PLXNA1: variants seen among roughly 807,000 people sequenced by gnomAD.
PLXNA1 encodes the protein plexin-A1.
In PLXNA1, 77 loss-of-function variants were observed where a neutral mutation model predicts 191.7. That is an observed-to-expected ratio of 0.40 (90% CI 0.33 to 0.49). The LOEUF (loss-of-function observed/expected upper bound fraction) is 0.49. PLXNA1 is among the 20% of genes least tolerant of loss of function. The pLI is 0.63. For missense variants in PLXNA1, 2,110 were observed against 2,660.2 expected, an observed-to-expected ratio of 0.79 and a Z score of 4.55; for synonymous variants, 1,137 against 1,156.4, an observed-to-expected ratio of 0.98 and a Z score of 0.34.
intron 14 of PLXNA1, 78 bp from the exon 15 acceptor site, chr3:127,015,106 C>G: frequency 6.5e-7 from 1 of 1,539,182 alleles, no homozygotes; most frequent in African/African-American, 1.4e-5. Context: ...TGGGGGTAAG[C>G]AGGCCAAGTG....
At chr3:126,986,254 CCTGTTTTCTGGCT>C (rs1286128534) in intron 1 of PLXNA1, among the ~76,000 whole-genome samples, 3 of 152,220 alleles carry the variant, frequency 2.0e-5, no homozygotes, top group Admixed American at 2.0e-4. Flanking sequence ...CTGTGAGGAG[CCTGTTTTCTGGCT>C]CCCGGGTCTT....
intron 7 of PLXNA1, 52 bp from the exon 8 acceptor site, chr3:127,006,027 G>A: frequency 7.1e-7 from 1 of 1,401,980 alleles, no homozygotes; most frequent in Non-Finnish European, 1.0e-6. Flanking sequence ...CTTGCCCTGT[G>A]TGGGAGTCCT....
Position 127,015,301 on chromosome 3 carries a change from C to G in PLXNA1, c.2995C>G (p.Arg999Gly), listed in dbSNP as rs554409066. 13 of 1,604,520 alleles carry G rather than the reference C, an allele frequency of 8.1e-6. No homozygotes were observed. The South Asian group carries it at 1.4e-4, about 18-fold the overall frequency. ...GSDVAVSVGG[R>G]PCSFSWRNSR... is the part of the protein sequence containing the mutation. ...TGATGTGGCTGTGTCGGTCGGTGGCCGGCCCTGCTCCTTCTCCTGGTACGG... is the reference window on the plus strand; with the variant it reads ...TGATGTGGCTGTGTCGGTCGGTGGCGGGCCCTGCTCCTTCTCCTGGTACGG... Residue 999 changes from arginine to glycine, a missense_variant, in exon 15 of 32, where the codon CGG (arginine) becomes GGG (glycine). Coordinates refer to ENST00000393409, the MANE Select transcript of PLXNA1 (RefSeq NM_032242.4).
chr3:126,985,489 G>C (rs9832409), intron 1 of PLXNA1, among the ~76,000 whole-genome samples: 1 of 149,344 alleles, frequency 6.7e-6, no homozygotes, highest in African/African-American at 2.5e-5. Flanking sequence ...TGCTCCTCCT[G>C]TTCTGCCCCC....
intron 3 of PLXNA1, among the ~76,000 whole-genome samples, chr3:126,999,464 A>T (rs1050696587): frequency 6.6e-6 from 1 of 151,518 alleles, no homozygotes; most frequent in African/African-American, 2.4e-5. Context: ...GAGTTGGGCA[A>T]CTCCCCTTGC....
In PLXNA1 at chr3:127,028,778, C is replaced by T. The variant is rs1330047564; in HGVS notation, c.4670-215C>T. 34 of 581,630 alleles carry T rather than the reference C, an allele frequency of 5.8e-5. 1 individual carries two copies. The highest frequency in any genetic ancestry group is 1.2e-4 in the South Asian group (6 of 48,006). 36.0% of individuals were successfully genotyped at this position (581,630 alleles called of 1,614,324 possible). On this transcript the variant is annotated intron_variant, in intron 25 of 31. Transcript: ENST00000393409. ...AAGGCTTGCGGAAGGCAGGGCAGAC[C>T]CCCTTAGGCTGGGGCTGCTGTGGCA...
chr3:126,988,687 A>G lies in PLXNA1; in HGVS notation c.94A>G (p.Arg32Gly). 1 of 1,576,064 alleles carries G rather than the reference A, an allele frequency of 6.3e-7. No individual in the cohort carries two copies. Among genetic ancestry groups the G allele is most frequent in the South Asian group, 1.2e-5 (1 of 84,246 alleles). ...CATGTGGGCTGAGGCAGGCTTGCCC[A>G]GGGCAGGCGGGGGTTCACAGCCCCC... The part of the protein sequence containing the change: ...PGMWAEAGLP[R>G]AGGGSQPPFR... The change falls in exon 2 of 32, where the codon AGG becomes GGG. Residue 32 changes from arginine to glycine, a missense_variant. This residue lies in a region of PLXNA1 where 903 missense variants were observed against 1,015.7 expected (regional missense o/e 0.89). Coordinates refer to ENST00000393409, the MANE Select transcript of PLXNA1 (RefSeq NM_032242.4).
Position 126,988,918 on chromosome 3 carries a change from G to C in PLXNA1, c.325G>C (p.Gly109Arg). The C allele has an allele frequency of 6.2e-7, 1 of 1,613,250 alleles. No individual in the cohort carries two copies. The highest frequency in any genetic ancestry group is 8.5e-7 in the Non-Finnish European group (1 of 1,180,006). Residue 109 changes from glycine to arginine, a missense_variant, in exon 2 of 32, where the codon GGC (glycine) becomes CGC (arginine). Around this residue, in one of 4 missense-constraint regions of PLXNA1, gnomAD observed 903 missense variants for 1,015.7 expected, o/e 0.89. Coordinates refer to ENST00000393409, the MANE Select transcript of PLXNA1 (RefSeq NM_032242.4). ...PSVQSCPHGL[G>R]STDNVNKLLL... Reference sequence around the variant, plus strand: ...CGTGCAGTCCTGCCCCCACGGCCTGGGCAGTACTGACAACGTCAACAAGCT... The same window carrying C: ...CGTGCAGTCCTGCCCCCACGGCCTGCGCAGTACTGACAACGTCAACAAGCT...
chr3:126,988,053 CGGT>C (rs1203766370), intron 1 of PLXNA1, among the ~76,000 whole-genome samples: 1 of 152,136 alleles, frequency 6.6e-6, no homozygotes, highest in Non-Finnish European at 1.5e-5. Context: ...CTGTAGGGGA[CGGT>C]GGTGGAGTAT....
At chr3:126,990,853 C>G (rs1287651386) in intron 2 of PLXNA1, among the ~76,000 whole-genome samples, 1 of 152,182 alleles carries the variant, frequency 6.6e-6, no homozygotes, top group African/African-American at 2.4e-5. Context: ...AGGGGCAGAG[C>G]CTGGGTGAAG....
Position 127,020,363 on chromosome 3 carries a change from G to T in PLXNA1, c.4038+19G>T. 6.2e-7 allele frequency: 1 copy of T among 1,609,986 alleles called. No homozygotes were observed. ...GATGGAGGTAGGACCACTGGCTCCG[G>T]GGGGTCACAGGAACTCAGAGGCAGC... On this transcript the variant is annotated intron_variant, in intron 21 of 31. Coordinates refer to ENST00000393409, the MANE Select transcript of PLXNA1 (RefSeq NM_032242.4).
chr3:126,997,432 C>T lies in PLXNA1; in HGVS notation c.1377+5866C>T, dbSNP rs554235571. Among the ~76,000 whole-genome samples the T allele has an allele frequency of 3.9e-5, 6 of 152,168 alleles. No individual in the cohort carries two copies. In the South Asian group the frequency reaches 8.3e-4, roughly 21 times the overall value. ...AGGCAGGTGCTCTGGGGCAGGCCAC[C>T]GGGTCCGTCTTTGCTGTGCCCCCAC... On this transcript the variant is annotated intron_variant, in intron 3 of 31. Coordinates refer to ENST00000393409, the MANE Select transcript of PLXNA1 (RefSeq NM_032242.4).
chr3:127,015,642 AATCTT>A (rs1354698363), intron 15 of PLXNA1, among the ~76,000 whole-genome samples: 1 of 152,202 alleles, frequency 6.6e-6, no homozygotes, highest in Non-Finnish European at 1.5e-5. Context: ...AGAAAACAGA[AATCTT>A]AACAAAAGCC....
At chr3:127,030,497 GC>G in intron 29 of PLXNA1, 85 bp downstream of exon 29, 1 of 1,518,958 alleles carries the variant, frequency 6.6e-7, no homozygotes, top group Non-Finnish European at 8.9e-7. Flanking sequence ...CTGATCCGGA[GC>G]CCCCACTTGG....
chr3:126,986,106 C>G (rs559791679), intron 1 of PLXNA1, among the ~76,000 whole-genome samples: 2 of 152,316 alleles, frequency 1.3e-5, no homozygotes, highest in African/African-American at 2.4e-5. Flanking sequence ...TGCATTAAGA[C>G]GTGTATAATT....
At position 126,989,780 on chromosome 3, in the gene PLXNA1, T is replaced by G; in HGVS notation, c.1187T>G (p.Ile396Ser). 6.2e-7 allele frequency: 1 copy of G among 1,604,262 alleles called. No individual in the cohort carries two copies. The highest frequency in any genetic ancestry group is 8.5e-7 in the Non-Finnish European group (1 of 1,174,248). Residue 396 changes from isoleucine (I) to serine (S), a missense_variant, in exon 2 of 32, where the codon ATC becomes AGC. Ile to Ser is a moderately radical substitution (Grantham distance 142). Around this residue, in one of 4 missense-constraint regions of PLXNA1, gnomAD observed 903 missense variants for 1,015.7 expected, o/e 0.89. Transcript: ENST00000393409. Reference sequence around the variant, plus strand: ...CTGCTCAACAAGGAGCTGGGCTGCATCAACTCGGTGAGTTGGGCAGGGGCG... The same window carrying G: ...CTGCTCAACAAGGAGCTGGGCTGCAGCAACTCGGTGAGTTGGGCAGGGGCG... ...PWLLNKELGC[I>S]NSPLQIDDDF...
At chr3:127,003,611 T>A in intron 4 of PLXNA1, 141 bp downstream of exon 4, 1 of 1,009,602 alleles carries the variant, frequency 9.9e-7, no homozygotes, top group Non-Finnish European at 1.4e-6. Context: ...CAAGCTGGTC[T>A]GTGCTCTGCC....
In PLXNA1 at chr3:127,007,783, C is replaced by A; in HGVS notation, c.1998-16C>A. On this transcript the variant is annotated splice_polypyrimidine_tract_variant and intron_variant, in intron 8 of 31. Transcript: ENST00000393409. The stretch of plus-strand genomic sequence containing the variant: ...TTGCGGGTCCCCAGGCTTCAGCACC[C>A]ACCCTCTCCCTGCAGCTGCCTGTCC... 1 of 1,583,420 alleles carries A rather than the reference C, an allele frequency of 6.3e-7. No homozygotes were observed. The highest frequency in any genetic ancestry group is 8.7e-7 in the Non-Finnish European group (1 of 1,154,828).
At position 127,020,076 on chromosome 3, in the gene PLXNA1, T is replaced by A. The variant is rs541682626; in HGVS notation, c.3896-126T>A. ...TGGGGGACGAAGAGGCACAGTAGTT[T>A]CCTTAAGATCACGAAACCAGTAAGT... On this transcript the variant is annotated intron_variant, in intron 20 of 31. Transcript: ENST00000393409. The A allele has an allele frequency of 1.2e-5, 14 of 1,208,806 alleles. No homozygotes were observed. In the East Asian group the frequency reaches 3.1e-4, roughly 26 times the overall value. The allele number at this position is 1,208,806 out of a possible 1,614,324, so 74.9% of individuals were successfully genotyped here.
Sources: gnomAD v4.1 joint callset for allele counts (sites outside exome capture counted in the v4.1 genomes callset) on GRCh38, gnomAD v4.1.1 for gene constraint, gnomAD v4.1.1 regional missense constraint, MANE v1.5 for transcripts, NCBI Gene and HGNC (gene_info 2026-07-23, HGNC 2026-07-21) for gene names.